The following CTNNBL1 variants were observed in gnomAD, a reference collection of about 807,000 sequenced individuals.
CTNNBL1 encodes catenin beta like 1, also known as beta-catenin-like protein 1.
In CTNNBL1, 31 loss-of-function variants were observed where a neutral mutation model predicts 72.7. That is an observed-to-expected ratio of 0.43 (90% confidence interval 0.32 to 0.58). The LOEUF (loss-of-function observed/expected upper bound fraction) is 0.58. CTNNBL1 is among the 20% of genes least tolerant of loss of function. The pLI is 0.08. For missense variants in CTNNBL1, 534 were observed against 725.1 expected (o/e 0.74, Z 3.03); for synonymous variants, 240 against 267.3 (o/e 0.90, Z 1.00).
At chr20:37,753,127 T>C (rs928551917) in intron 4 of CTNNBL1, among the ~76,000 whole-genome samples, 12 of 152,212 alleles carry the variant, frequency 7.9e-5, no homozygotes, top group African/African-American at 2.9e-4. Context: ...CTGGGTCATA[T>C]TGTATTACTC....
At chr20:37,696,676 C>T (rs1040609852) in intron 1 of CTNNBL1, among the ~76,000 whole-genome samples, 2 of 151,642 alleles carry the variant, frequency 1.3e-5, no homozygotes, top group Non-Finnish European at 2.9e-5. Flanking sequence ...CTCCCAACCT[C>T]AGGTGATCTG....
intron 1 of CTNNBL1, among the ~76,000 whole-genome samples, chr20:37,699,895 G>A (rs989896073): frequency 6.6e-6 from 1 of 152,158 alleles, no homozygotes; most frequent in Admixed American, 6.5e-5. Flanking sequence ...TTGAGCTTAA[G>A]TTGTACTTTT....
At chr20:37,849,252 A>G (rs2072373785) in intron 13 of CTNNBL1, among the ~76,000 whole-genome samples, 1 of 152,208 alleles carries the variant, frequency 6.6e-6, no homozygotes, top group African/African-American at 2.4e-5. Flanking sequence ...CAGCAACCAG[A>G]GATTTTTCTA....
chr20:37,775,372 A>G (rs1295700754), intron 7 of CTNNBL1, among the ~76,000 whole-genome samples: 2 of 152,178 alleles, frequency 1.3e-5, no homozygotes, highest in African/African-American at 4.8e-5. Context: ...CAGCTCCACA[A>G]AGATATGATG....
At chr20:37,730,858 T>TGGTA (rs1166510910) in intron 1 of CTNNBL1, among the ~76,000 whole-genome samples, 1 of 152,162 alleles carries the variant, frequency 6.6e-6, no homozygotes, top group Non-Finnish European at 1.5e-5. Context: ...TAACAGAGTA[T>TGGTA]GGTAGAAAGG....
chr20:37,837,920 C>CA (rs2072269158), intron 11 of CTNNBL1, among the ~76,000 whole-genome samples: 1 of 49,726 alleles, frequency 2.0e-5, no homozygotes. Context: ...GTGAACAAAA[C>CA]AAATAAACAA....
intron 15 of CTNNBL1, among the ~76,000 whole-genome samples, chr20:37,870,903 G>T (rs1287539016): frequency 6.6e-6 from 1 of 152,088 alleles, no homozygotes; most frequent in African/African-American, 2.4e-5. Flanking sequence ...CCTGCCACTC[G>T]CTCCTAGACC....
chr20:37,703,992 G>A (rs763633996), intron 1 of CTNNBL1, among the ~76,000 whole-genome samples: 6 of 151,974 alleles, frequency 3.9e-5, no homozygotes, highest in Non-Finnish European at 5.9e-5. Context: ...GGTCAGGTTG[G>A]TCTCGAACTC....
At chr20:37,816,167 G>A (rs2072056907) in intron 11 of CTNNBL1, among the ~76,000 whole-genome samples, 1 of 152,174 alleles carries the variant, frequency 6.6e-6, no homozygotes, top group African/African-American at 2.4e-5. Context: ...CCAAACAAAG[G>A]ATCCCCAAAC....
chr20:37,771,117 C>A (rs1032609798), intron 7 of CTNNBL1, among the ~76,000 whole-genome samples: 1 of 152,240 alleles, frequency 6.6e-6, no homozygotes, highest in East Asian at 1.9e-4. Flanking sequence ...TACTCCCTGC[C>A]CTTCCAATCT....
chr20:37,863,376 G>A (rs1034894064), intron 15 of CTNNBL1, among the ~76,000 whole-genome samples: 6 of 152,178 alleles, frequency 3.9e-5, no homozygotes, highest in South Asian at 4.1e-4. Flanking sequence ...TCCTTGAGGC[G>A]TTCACAGTCT....
chr20:37,724,524 G>C (rs1238867565), intron 1 of CTNNBL1, among the ~76,000 whole-genome samples: 1 of 152,134 alleles, frequency 6.6e-6, no homozygotes, highest in East Asian at 1.9e-4. Flanking sequence ...GGTGGAGGGG[G>C]CACAGTTTAG....
chr20:37,725,851 G>T (rs982042219), intron 1 of CTNNBL1, among the ~76,000 whole-genome samples: 5 of 151,960 alleles, frequency 3.3e-5, no homozygotes, highest in Admixed American at 1.3e-4. Context: ...GGGTGTGCTG[G>T]CACGTGCCTG....
chr20:37,773,046 A>G (rs1372999435), intron 7 of CTNNBL1, among the ~76,000 whole-genome samples: 2 of 152,244 alleles, frequency 1.3e-5, no homozygotes, highest in Non-Finnish European at 2.9e-5. Flanking sequence ...ATACAAGCTT[A>G]TTAAGATATT....
chr20:37,709,905 A>C (rs557921478), intron 1 of CTNNBL1, among the ~76,000 whole-genome samples: 29 of 152,334 alleles, frequency 1.9e-4, no homozygotes, highest in Admixed American at 1.6e-3. Flanking sequence ...AGGTAACTGA[A>C]GCTTTTAAGT....
At chr20:37,728,083 A>G (rs2073099895) in intron 1 of CTNNBL1, among the ~76,000 whole-genome samples, 1 of 152,200 alleles carries the variant, frequency 6.6e-6, no homozygotes, top group South Asian at 2.1e-4. Context: ...TTTAGCTTGT[A>G]TCAGGGAGCT....
At chr20:37,703,414 C>G (rs1285621534) in intron 1 of CTNNBL1, among the ~76,000 whole-genome samples, 47 of 152,212 alleles carry the variant, frequency 3.1e-4, no homozygotes. Flanking sequence ...CCAAAACCTA[C>G]ATTCTTGAAC....
intron 1 of CTNNBL1, among the ~76,000 whole-genome samples, chr20:37,717,981 A>G (rs1279691317): frequency 6.6e-6 from 1 of 152,206 alleles, no homozygotes; most frequent in Non-Finnish European, 1.5e-5. Context: ...GTACAGAACA[A>G]AATGAAAAGT....
chr20:37,718,231 G>A (rs1192239901), intron 1 of CTNNBL1, among the ~76,000 whole-genome samples: 15 of 146,946 alleles, frequency 1.0e-4, no homozygotes, highest in Non-Finnish European at 1.8e-4. Context: ...CTGGCCGGGC[G>A]GGGGGCTGAC....
Sources: allele counts gnomAD v4.1 joint callset (sites outside exome capture counted in the v4.1 genomes callset), GRCh38; gene constraint gnomAD v4.1.1; transcripts MANE v1.5; gene names NCBI Gene and HGNC (gene_info 2026-07-23, HGNC 2026-07-21).